IQGAP2: variants seen among roughly 807,000 people sequenced by gnomAD.
IQGAP2 encodes the protein ras GTPase-activating-like protein IQGAP2.
IQGAP2 carries 173 observed loss-of-function variants against 201.3 expected under a neutral mutation model. The observed-to-expected ratio is 0.86, with a 90% confidence interval of 0.76 to 0.98. IQGAP2 has a LOEUF of 0.98. Among genes scored for constraint, IQGAP2 ranks in the 50% least tolerant of loss-of-function variants. The pLI, the probability that IQGAP2 is intolerant of heterozygous loss-of-function variation, is 0.00. For missense variants in IQGAP2, 1,687 were observed against 1,864.8 expected (o/e 0.90, Z 1.76); for synonymous variants, 675 against 673.9 (o/e 1.00, Z -0.03).
intron 33 of IQGAP2, chr5:76,699,606 TC>T (rs1747089505): frequency 3.7e-4 from 2 of 5,438 alleles, no homozygotes; most frequent in African/African-American, 1.3e-3. Flanking sequence ...TCTCTCTGTT[TC>T]TCTCTCTCTC....
chr5:76,595,974 C>T (rs371969823), intron 9 of IQGAP2, among the ~76,000 whole-genome samples: 2 of 152,084 alleles, frequency 1.3e-5, no homozygotes, highest in African/African-American at 4.8e-5. Flanking sequence ...CACTAGCCTT[C>T]CTTTCTGAAA....
chr5:76,467,228 T>C (rs1481975863), intron 2 of IQGAP2, among the ~76,000 whole-genome samples: 1 of 152,200 alleles, frequency 6.6e-6, no homozygotes, highest in African/African-American at 2.4e-5. Flanking sequence ...TACTCTAACC[T>C]GGGTGACAGA....
intron 5 of IQGAP2, among the ~76,000 whole-genome samples, chr5:76,580,696 G>A (rs1745789364): frequency 6.6e-6 from 1 of 152,000 alleles, no homozygotes; most frequent in Admixed American, 6.6e-5. Flanking sequence ...TTTCAGCTTG[G>A]TCAGTCTGAG....
At chr5:76,550,903 G>T (rs1332102366) in intron 2 of IQGAP2, among the ~76,000 whole-genome samples, 1 of 151,798 alleles carries the variant, frequency 6.6e-6, no homozygotes, top group Admixed American at 6.6e-5. Context: ...GGGCAGAGGG[G>T]CTCCTCACTT....
At chr5:76,528,454 T>C (rs932481770) in intron 2 of IQGAP2, among the ~76,000 whole-genome samples, 1 of 152,184 alleles carries the variant, frequency 6.6e-6, no homozygotes, top group African/African-American at 2.4e-5. Flanking sequence ...ATGAGTTAGA[T>C]ATTTCAAATA....
intron 25 of IQGAP2, 88 bp downstream of exon 25, chr5:76,673,677 A>G (rs1275951336): frequency 1.5e-6 from 2 of 1,315,128 alleles, no homozygotes; most frequent in East Asian, 2.3e-5. Flanking sequence ...TGAAGACAGC[A>G]GTTTTCCCTT....
At chr5:76,630,757 A>G (rs914718146) in intron 14 of IQGAP2, among the ~76,000 whole-genome samples, 1 of 152,164 alleles carries the variant, frequency 6.6e-6, no homozygotes, top group African/African-American at 2.4e-5. Flanking sequence ...AGAAGAGGAA[A>G]GGGCTATGTC....
At chr5:76,511,140 G>A (rs1488008453) in intron 2 of IQGAP2, among the ~76,000 whole-genome samples, 2 of 152,188 alleles carry the variant, frequency 1.3e-5, no homozygotes, top group Non-Finnish European at 2.9e-5. Context: ...TCTGCCATAA[G>A]GAAAGGAAAA....
chr5:76,652,599 C>A (rs1752604552), intron 17 of IQGAP2, 151 bp from the exon 18 acceptor site: 2 of 687,588 alleles, frequency 2.9e-6, no homozygotes, highest in South Asian at 1.6e-5. Context: ...AACTGGCTAC[C>A]CCCAGAGAGG....
Position 76,681,529 on chromosome 5 carries a change from AT to A in IQGAP2, c.3661-1583del, listed in dbSNP as rs200948418. The stretch of plus-strand genomic sequence containing the variant: ...ACCCAGTAGGATGATTAATATCAAA[AT>A]TTAAAAAAAAAAAAACAGAAAATAA... On this transcript the variant is annotated intron_variant, in intron 28 of 35. Transcript: ENST00000274364. Among the ~76,000 whole-genome samples, 510 of 143,906 alleles carry A rather than the reference AT, an allele frequency of 3.5e-3. 3 individuals are homozygous for A. The highest frequency in any genetic ancestry group is 0.013 in the African/African-American group (470 of 37,272). The allele number at this position is 143,906 out of a possible 152,430, so 94.4% of individuals were successfully genotyped here.
chr5:76,436,515 A>ATT (rs1752700008), intron 1 of IQGAP2, among the ~76,000 whole-genome samples: 1 of 19,612 alleles, frequency 5.1e-5, no homozygotes, highest in Non-Finnish European at 7.3e-5. Context: ...ATATATATAT[A>ATT]TATTTTTTTT....
At chr5:76,668,897 G>A in intron 23 of IQGAP2, 53 bp downstream of exon 23, 1 of 1,137,924 alleles carries the variant, frequency 8.8e-7, no homozygotes, top group African/African-American at 1.6e-5. Flanking sequence ...CCTTTTGTTA[G>A]TGGTGGCTGT....
At chr5:76,694,616 A>G (rs575687679) in intron 31 of IQGAP2, among the ~76,000 whole-genome samples, 2 of 152,220 alleles carry the variant, frequency 1.3e-5, no homozygotes, top group African/African-American at 4.8e-5. Context: ...GTACATCTGT[A>G]TCTGGTGCAC....
chr5:76,522,761 C>T (rs902245040), intron 2 of IQGAP2, among the ~76,000 whole-genome samples: 6 of 152,162 alleles, frequency 3.9e-5, no homozygotes, highest in Admixed American at 3.9e-4. Context: ...CAATCATTAA[C>T]CAAGGAAATC....
intron 5 of IQGAP2, among the ~76,000 whole-genome samples, chr5:76,580,284 GAA>G (rs57363971): frequency 2.5e-5 from 3 of 121,570 alleles, no homozygotes; most frequent in South Asian, 2.6e-4. Context: ...TCAATTAAAA[GAA>G]AAAAAAAAAA....
At chr5:76,682,238 G>GA (rs1357233764) in intron 28 of IQGAP2, among the ~76,000 whole-genome samples, 4 of 152,230 alleles carry the variant, frequency 2.6e-5, no homozygotes, top group African/African-American at 9.6e-5. Flanking sequence ...AAAGCTGTTG[G>GA]AAAAAAGATT....
At chr5:76,574,537 G>C (rs1305747622) in intron 4 of IQGAP2, among the ~76,000 whole-genome samples, 2 of 152,146 alleles carry the variant, frequency 1.3e-5, no homozygotes, top group African/African-American at 4.8e-5. Flanking sequence ...CCAAAGTGTT[G>C]GGATTATGGG....
intron 17 of IQGAP2, among the ~76,000 whole-genome samples, chr5:76,643,766 C>T (rs1751779692): frequency 6.6e-6 from 1 of 152,038 alleles, no homozygotes; most frequent in Admixed American, 6.6e-5. Context: ...TCAGGGAGTG[C>T]CACAAGCATC....
At chr5:76,488,428 A>G (rs1393988659) in intron 2 of IQGAP2, among the ~76,000 whole-genome samples, 2 of 152,178 alleles carry the variant, frequency 1.3e-5, no homozygotes, top group Non-Finnish European at 2.9e-5. Context: ...ATGAATGCCT[A>G]TCTTTTAAGA....
Sources: allele counts gnomAD v4.1 joint callset (sites outside exome capture counted in the v4.1 genomes callset), GRCh38; gene constraint gnomAD v4.1.1; transcripts MANE v1.5; gene names NCBI Gene and HGNC (gene_info 2026-07-23, HGNC 2026-07-21).